PPP3CA: variants seen among roughly 807,000 people sequenced by gnomAD.
PPP3CA encodes protein phosphatase 3 catalytic subunit alpha.
A neutral mutation model predicts 66.5 loss-of-function variants in PPP3CA; 14 were observed. The observed-to-expected ratio is 0.21, with a 90% confidence interval of 0.14 to 0.33. The LOEUF is 0.33. Among genes scored for constraint, PPP3CA ranks in the 10% least tolerant of loss-of-function variants. PPP3CA has a pLI of 1.00. For missense variants in PPP3CA, 317 were observed against 639.5 expected (o/e 0.50, Z 5.44); for synonymous variants, 232 against 226.2 (o/e 1.03, Z -0.23).
chr4:101,249,275 GTTAT>G (rs1175205944), intron 1 of PPP3CA, among the ~76,000 whole-genome samples: 4 of 151,860 alleles, frequency 2.6e-5, no homozygotes, highest in Admixed American at 6.6e-5. Flanking sequence ...TTACAGACAC[GTTAT>G]CCACCTTAAT....
At chr4:101,161,612 C>T (rs995374727) in intron 2 of PPP3CA, among the ~76,000 whole-genome samples, 1 of 152,066 alleles carries the variant, frequency 6.6e-6, no homozygotes, top group Non-Finnish European at 1.5e-5. Flanking sequence ...AAAAAATGCT[C>T]GGTTGGCAAT....
At chr4:101,169,309 G>A (rs767997424) in intron 2 of PPP3CA, among the ~76,000 whole-genome samples, 54 of 152,154 alleles carry the variant, frequency 3.5e-4, no homozygotes, top group South Asian at 2.1e-4. Context: ...AGCACAGTGC[G>A]TAGAGAAGAT....
At chr4:101,202,781 C>T (rs1437271743) in intron 1 of PPP3CA, among the ~76,000 whole-genome samples, 1 of 152,076 alleles carries the variant, frequency 6.6e-6, no homozygotes. Context: ...ATGATTTTTT[C>T]AAAGATCTAT....
At chr4:101,040,649 T>C (rs1727475350) in intron 10 of PPP3CA, 83 bp from the exon 11 acceptor site, 3 of 1,021,242 alleles carry the variant, frequency 2.9e-6, no homozygotes, top group Admixed American at 2.9e-5. Flanking sequence ...TACAACAGAC[T>C]CCAGTAAGCA....
intron 2 of PPP3CA, among the ~76,000 whole-genome samples, chr4:101,167,539 C>T (rs4699106): frequency 0.49 from 73,979 of 151,730 alleles, 19,376 homozygotes; most frequent in Middle Eastern, 0.63. Flanking sequence ...TCAGTGTACA[C>T]TCTAAAGAGG....
chr4:101,334,853 A>G (rs915668030), intron 1 of PPP3CA, among the ~76,000 whole-genome samples: 1 of 152,212 alleles, frequency 6.6e-6, no homozygotes, highest in African/African-American at 2.4e-5. Flanking sequence ...TCTACGAAAC[A>G]CTAGGATAAA....
chr4:101,109,161 GAATT>G, intron 2 of PPP3CA, 83 bp from the exon 3 acceptor site: 1 of 1,375,862 alleles, frequency 7.3e-7, no homozygotes, highest in Admixed American at 2.0e-5. Flanking sequence ...TTTAGAACCA[GAATT>G]AATTTCAAGT....
chr4:101,029,265 A>C, intron 12 of PPP3CA, 70 bp from the exon 13 acceptor site: 2 of 1,409,972 alleles, frequency 1.4e-6, no homozygotes, highest in Non-Finnish European at 2.0e-6. Context: ...TCTAAGAACA[A>C]ATCAGTGACC....
At position 101,042,654 on chromosome 4, in the gene PPP3CA, C is replaced by T. The variant is rs143090575; in HGVS notation, c.1157-2088G>A. On this transcript the variant is annotated intron_variant, in intron 10 of 13. Transcript: ENST00000394854. ...TGTGTGCAGGATCCCTACCTCTAATCGTATTCTGATTTTGTAAACAATATT... is the reference window on the plus strand; with the variant it reads ...TGTGTGCAGGATCCCTACCTCTAATTGTATTCTGATTTTGTAAACAATATT... 1.7e-4 allele frequency among the ~76,000 whole-genome samples: 26 copies of T among 152,008 alleles called. No individual in the cohort carries two copies. The East Asian group carries it at 5.0e-3, about 29-fold the overall frequency.
intron 1 of PPP3CA, among the ~76,000 whole-genome samples, chr4:101,321,834 G>T (rs1004227516): frequency 6.6e-6 from 1 of 152,152 alleles, no homozygotes; most frequent in Admixed American, 6.6e-5. Flanking sequence ...CAAGAGAAAG[G>T]TGTTTTTAAT....
intron 1 of PPP3CA, among the ~76,000 whole-genome samples, chr4:101,319,531 A>G (rs1728977374): frequency 6.6e-6 from 1 of 152,158 alleles, no homozygotes; most frequent in African/African-American, 2.4e-5. Context: ...CAAACTAAAA[A>G]TACTCCTTTA....
intron 2 of PPP3CA, among the ~76,000 whole-genome samples, chr4:101,157,805 C>T (rs904146632): frequency 1.0e-4 from 14 of 138,306 alleles, no homozygotes; most frequent in Admixed American, 1.6e-4. Context: ...CAGAATTGTA[C>T]GGTTCTGCCT....
intron 1 of PPP3CA, among the ~76,000 whole-genome samples, chr4:101,253,328 G>A (rs1343128722): frequency 6.6e-6 from 1 of 151,988 alleles, no homozygotes; most frequent in African/African-American, 2.4e-5. Context: ...TGTTAACTTG[G>A]CACCGTTCCA....
chr4:101,230,394 T>C (rs1403921104), intron 1 of PPP3CA, among the ~76,000 whole-genome samples: 1 of 151,556 alleles, frequency 6.6e-6, no homozygotes, highest in East Asian at 1.9e-4. Flanking sequence ...TTATCATCAA[T>C]TGCATCTCAA....
intron 1 of PPP3CA, among the ~76,000 whole-genome samples, chr4:101,328,865 A>G (rs1335043610): frequency 6.6e-6 from 1 of 152,162 alleles, no homozygotes; most frequent in Non-Finnish European, 1.5e-5. Flanking sequence ...AACAAATTTA[A>G]CAAATAAATG....
chr4:101,303,294 C>T (rs1728435401), intron 1 of PPP3CA, among the ~76,000 whole-genome samples: 2 of 152,284 alleles, frequency 1.3e-5, no homozygotes, highest in Admixed American at 1.3e-4. Flanking sequence ...ATTCATTTCA[C>T]ATCCACCTCT....
chr4:101,230,469 T>C (rs1725924200), intron 1 of PPP3CA, among the ~76,000 whole-genome samples: 2 of 151,612 alleles, frequency 1.3e-5, no homozygotes, highest in African/African-American at 4.8e-5. Context: ...CAGCGAGCCA[T>C]GATAACACCA....
intron 2 of PPP3CA, among the ~76,000 whole-genome samples, chr4:101,179,160 G>A (rs538399264): frequency 6.6e-6 from 1 of 151,922 alleles, no homozygotes; most frequent in African/African-American, 2.4e-5. Context: ...CACTCTCATC[G>A]TAGAAAACAA....
intron 1 of PPP3CA, among the ~76,000 whole-genome samples, chr4:101,204,890 A>T (rs999318734): frequency 6.6e-6 from 1 of 150,994 alleles, no homozygotes; most frequent in East Asian, 1.9e-4. Flanking sequence ...ATACAAGTCT[A>T]CTCTACAATG....
Sources: gnomAD v4.1 joint callset for allele counts (sites outside exome capture counted in the v4.1 genomes callset) on GRCh38, gnomAD v4.1.1 for gene constraint, MANE v1.5 for transcripts, NCBI Gene and HGNC (gene_info 2026-07-23, HGNC 2026-07-21) for gene names.